CBFA2T2: variants seen among roughly 807,000 people sequenced by gnomAD.
CBFA2T2 encodes the protein protein CBFA2T2.
CBFA2T2 carries 11 observed loss-of-function variants against 62.2 expected under a neutral mutation model. The ratio of observed to expected loss-of-function variants is 0.18; its 90% confidence interval spans 0.11 to 0.29. The LOEUF (loss-of-function observed/expected upper bound fraction) is 0.29. Ranked by LOEUF, CBFA2T2 falls within the 10% of genes least tolerant of loss-of-function variation. The pLI is 1.00. For missense variants in CBFA2T2, 592 were observed against 774.1 expected (o/e 0.76, Z 2.79); for synonymous variants, 295 against 287.5 (o/e 1.03, Z -0.27).
At chr20:33,506,426 GATAAA>G (rs1457150258) in intron 1 of CBFA2T2, among the ~76,000 whole-genome samples, 1 of 151,868 alleles carries the variant, frequency 6.6e-6, no homozygotes, top group Non-Finnish European at 1.5e-5. Flanking sequence ...AATTAATACA[GATAAA>G]ATAAAAATCC....
intron 1 of CBFA2T2, among the ~76,000 whole-genome samples, chr20:33,559,774 T>C (rs1050210896): frequency 3.3e-5 from 5 of 152,136 alleles, no homozygotes; most frequent in Non-Finnish European, 7.4e-5. Flanking sequence ...GCGTGAGCCA[T>C]TGCGCCTGGC....
chr20:33,642,112 TTTTTTGTGTGTGTGTGTGTGTGTGTG>T lies in CBFA2T2; in HGVS notation c.1488+1583_1488+1608del, dbSNP rs776902115. Among the ~76,000 whole-genome samples, 315 of 74,618 alleles carry T rather than the reference TTTTTTGTGTGTGTGTGTGTGTGTGTG, an allele frequency of 4.2e-3. 3 individuals are homozygous for T. Among genetic ancestry groups the T allele is most frequent in the Non-Finnish European group, 5.0e-3 (223 of 44,914 alleles). 49.0% of individuals were successfully genotyped at this position (74,618 alleles called of 152,430 possible). A position where few individuals can be genotyped will look rare whatever the true frequency, so the allele number is the denominator to read the frequency against. ...TCTCTCCTCCTCCTTTGTCTTTTTT[TTTTTTGTGTGTGTGTGTGTGTGTGTG>T]TGTGTGTGTGTGTGTGTGTGTGTGT... On this transcript the variant is annotated intron_variant, in intron 10 of 10. Coordinates refer to ENST00000342704, the MANE Select transcript of CBFA2T2 (RefSeq NM_001032999.3).
chr20:33,570,960 T>C (rs1457187625), intron 1 of CBFA2T2, among the ~76,000 whole-genome samples: 2 of 152,212 alleles, frequency 1.3e-5, no homozygotes, highest in Non-Finnish European at 2.9e-5. Flanking sequence ...AAGTGCTTTG[T>C]CGGGGCCCCA....
intron 1 of CBFA2T2, among the ~76,000 whole-genome samples, chr20:33,571,944 GC>G (rs2013589444): frequency 6.6e-6 from 1 of 152,196 alleles, no homozygotes; most frequent in Non-Finnish European, 1.5e-5. Context: ...AGGCTGGAGT[GC>G]AGTGGCACAA....
At chr20:33,570,985 C>G (rs926743003) in intron 1 of CBFA2T2, among the ~76,000 whole-genome samples, 3 of 152,200 alleles carry the variant, frequency 2.0e-5, no homozygotes, top group African/African-American at 7.2e-5. Context: ...TCTCACTTAC[C>G]TTTCCCCAGT....
chr20:33,498,338 G>A (rs960582435), intron 1 of CBFA2T2, among the ~76,000 whole-genome samples: 6 of 149,870 alleles, frequency 4.0e-5, no homozygotes, highest in African/African-American at 1.2e-4. Context: ...TGCAACCTCC[G>A]CCTCCCAGGG....
chr20:33,541,111 C>T (rs1242758031), intron 1 of CBFA2T2, among the ~76,000 whole-genome samples: 1 of 152,208 alleles, frequency 6.6e-6, no homozygotes, highest in African/African-American at 2.4e-5. Context: ...TGGCACCTCA[C>T]TTTCCCCATA....
chr20:33,594,373 C>T (rs1439689539), intron 1 of CBFA2T2, among the ~76,000 whole-genome samples: 3 of 152,110 alleles, frequency 2.0e-5, no homozygotes, highest in Non-Finnish European at 1.5e-5. Flanking sequence ...AGGCGTCTGC[C>T]ACCACACCTG....
intron 6 of CBFA2T2, among the ~76,000 whole-genome samples, chr20:33,625,608 C>T (rs894210267): frequency 1.3e-5 from 2 of 152,222 alleles, no homozygotes; most frequent in Non-Finnish European, 2.9e-5. Flanking sequence ...TCTTTGTGCT[C>T]CTTTTGCAGC....
chr20:33,540,315 T>C (rs993618869), intron 1 of CBFA2T2, among the ~76,000 whole-genome samples: 1 of 152,172 alleles, frequency 6.6e-6, no homozygotes, highest in Non-Finnish European at 1.5e-5. Flanking sequence ...GTACAAACAT[T>C]ATAGAGTGTA....
chr20:33,494,273 ATTTTTT>A (rs1156307604), intron 1 of CBFA2T2, among the ~76,000 whole-genome samples: 2 of 21,350 alleles, frequency 9.4e-5, no homozygotes, highest in Admixed American at 1.2e-3. Flanking sequence ...ATATATATAT[ATTTTTT>A]TTTTTTTTTT....
chr20:33,509,686 G>T (rs1367294138), intron 1 of CBFA2T2, among the ~76,000 whole-genome samples: 1 of 152,034 alleles, frequency 6.6e-6, no homozygotes, highest in Non-Finnish European at 1.5e-5. Context: ...AAAATTAGCT[G>T]AGCATAGTGG....
intron 1 of CBFA2T2, among the ~76,000 whole-genome samples, chr20:33,554,154 A>G (rs912511325): frequency 3.9e-5 from 6 of 152,288 alleles, no homozygotes; most frequent in Admixed American, 1.3e-4. Context: ...ATGAAGAAAC[A>G]TTCCAGGTTG....
intron 1 of CBFA2T2, among the ~76,000 whole-genome samples, chr20:33,498,583 A>G (rs990706093): frequency 6.6e-6 from 1 of 151,966 alleles, no homozygotes; most frequent in Non-Finnish European, 1.5e-5. Flanking sequence ...CAGAATCAAA[A>G]AATCAGCAGA....
chr20:33,600,187 T>TG (rs2015067162), intron 1 of CBFA2T2: 1 of 131,668 alleles, frequency 7.6e-6, no homozygotes, highest in South Asian at 2.8e-4. Flanking sequence ...GGAAAGTTTT[T>TG]TTTTTTTTTT....
chr20:33,558,825 G>GGA, intron 1 of CBFA2T2, among the ~76,000 whole-genome samples: 1 of 151,338 alleles, frequency 6.6e-6, no homozygotes, highest in African/African-American at 2.5e-5. Context: ...CAACTGTTTG[G>GGA]GGGGGCGGCG....
intron 4 of CBFA2T2, among the ~76,000 whole-genome samples, chr20:33,621,443 C>T (rs1410506588): frequency 1.3e-5 from 2 of 151,384 alleles, no homozygotes; most frequent in East Asian, 1.9e-4. Flanking sequence ...ACTACAGGCA[C>T]GCGCCACCAC....
chr20:33,562,711 G>A (rs2013133832), intron 1 of CBFA2T2: 1 of 978,752 alleles, frequency 1.0e-6, no homozygotes, highest in Non-Finnish European at 1.2e-6. Flanking sequence ...GGGTTAAAGT[G>A]CACAATTCTC....
chr20:33,596,658 C>A (rs930528746), intron 1 of CBFA2T2, among the ~76,000 whole-genome samples: 2 of 152,160 alleles, frequency 1.3e-5, no homozygotes, highest in Non-Finnish European at 2.9e-5. Context: ...CTCAGGCTTT[C>A]CGTAGAATCT....
Sources: allele counts gnomAD v4.1 joint callset (sites outside exome capture counted in the v4.1 genomes callset), GRCh38; gene constraint gnomAD v4.1.1; transcripts MANE v1.5; gene names NCBI Gene and HGNC (gene_info 2026-07-23, HGNC 2026-07-21).